LRRC36: variants seen among roughly 807,000 people sequenced by gnomAD.
The protein encoded by LRRC36 is leucine rich repeat containing 36.
A neutral mutation model predicts 81.1 loss-of-function variants in LRRC36; 62 were observed. The observed-to-expected ratio is 0.76, with a 90% CI of 0.62 to 0.94. The LOEUF (loss-of-function observed/expected upper bound fraction) is 0.94. Ranked by LOEUF, LRRC36 falls within the 40% of genes least tolerant of loss-of-function variation. LRRC36 has a pLI of 0.00. For synonymous variants in LRRC36, 334 were observed against 348.6 expected, an observed-to-expected ratio of 0.96 and a Z score of 0.47; for missense variants, 761 against 881.7, an observed-to-expected ratio of 0.86 and a Z score of 1.73.
Position 67,341,095 on chromosome 16 carries a change from T to C in LRRC36, c.71-862T>C, listed in dbSNP as rs530740423. Among the ~76,000 whole-genome samples, 221 of 106,998 alleles carry C rather than the reference T, an allele frequency of 2.1e-3. 11 individuals are homozygous for C. Among genetic ancestry groups the C allele is most frequent in the African/African-American group, 9.1e-3 (197 of 21,582 alleles). 70.2% of individuals were successfully genotyped at this position (106,998 alleles called of 152,430 possible). A position where few individuals can be genotyped will look rare whatever the true frequency, so the allele number is the denominator to read the frequency against. ...TATGTACTCTACATATTCTATAGAA[T>C]ATGTACTCTACATATTCTATAGAAT... is the stretch of plus-strand genomic sequence containing the variant. On this transcript the variant is annotated intron_variant, in intron 1 of 13. Coordinates refer to ENST00000329956, the MANE Select transcript of LRRC36 (RefSeq NM_018296.6).
chr16:67,364,845 A>AT (rs2039310907), intron 6 of LRRC36, among the ~76,000 whole-genome samples: 2 of 152,094 alleles, frequency 1.3e-5, no homozygotes, highest in Non-Finnish European at 1.5e-5. Flanking sequence ...CTTTAAGATA[A>AT]TTTTTTTAAA....
intron 12 of LRRC36, among the ~76,000 whole-genome samples, chr16:67,381,018 G>A (rs1248468195): frequency 6.6e-6 from 1 of 152,156 alleles, no homozygotes; most frequent in African/African-American, 2.4e-5. Context: ...GAGGTCAGGA[G>A]TTTGAGACCA....
chr16:67,364,632 A>T (rs992495614), intron 6 of LRRC36, among the ~76,000 whole-genome samples: 1 of 152,196 alleles, frequency 6.6e-6, no homozygotes, highest in Non-Finnish European at 1.5e-5. Context: ...AACCATATTG[A>T]CTTAAGGAAA....
At chr16:67,361,216 A>G (rs2039129841) in intron 5 of LRRC36, among the ~76,000 whole-genome samples, 1 of 152,048 alleles carries the variant, frequency 6.6e-6, no homozygotes, top group African/African-American at 2.4e-5. Context: ...TTTTCAATAG[A>G]GATGGGGGTC....
chr16:67,329,635 T>A (rs1234261898), intron 1 of LRRC36, among the ~76,000 whole-genome samples: 5 of 152,114 alleles, frequency 3.3e-5, no homozygotes, highest in Non-Finnish European at 7.4e-5. Context: ...TTAGAATCCA[T>A]GGCCGGGTGC....
At position 67,338,865 on chromosome 16, in the gene LRRC36, ATTTTTTTTTTTTTTTTTTTTTTTTTTT is replaced by A. The variant is rs71145967; in HGVS notation, c.71-3072_71-3046del. On this transcript the variant is annotated intron_variant, in intron 1 of 13. Transcript: ENST00000329956. ...TTTCTAATTTCTGCTTGGAAGCTGA[ATTTTTTTTTTTTTTTTTTTTTTTTTTT>A]TTTTTTTTTTTTTTTTTTTAGGGAC... is the stretch of plus-strand genomic sequence containing the variant. Among the ~76,000 whole-genome samples, 36 of 45,404 alleles carry A rather than the reference ATTTTTTTTTTTTTTTTTTTTTTTTTTT, an allele frequency of 7.9e-4. 1 individual carries two copies. The South Asian group carries it at 8.2e-3, about 10-fold the overall frequency. 29.8% of individuals were successfully genotyped at this position (45,404 alleles called of 152,430 possible). A position where few individuals can be genotyped will look rare whatever the true frequency, so the allele number is the denominator to read the frequency against.
At chr16:67,374,491 T>C (rs2039798774) in intron 9 of LRRC36, among the ~76,000 whole-genome samples, 1 of 151,734 alleles carries the variant, frequency 6.6e-6, no homozygotes, top group African/African-American at 2.4e-5. Context: ...GCCTCCCGAG[T>C]TTAAGCAATT....
intron 1 of LRRC36, among the ~76,000 whole-genome samples, chr16:67,340,613 AC>A (rs1214355473): frequency 6.6e-6 from 1 of 151,974 alleles, no homozygotes; most frequent in Non-Finnish European, 1.5e-5. Flanking sequence ...CTGAGATCAC[AC>A]CACTGCACTC....
intron 12 of LRRC36, among the ~76,000 whole-genome samples, chr16:67,379,647 G>A (rs2040039169): frequency 6.6e-6 from 1 of 152,170 alleles, no homozygotes; most frequent in Non-Finnish European, 1.5e-5. Context: ...AACCCAGGAG[G>A]CAGAGGTTGC....
intron 5 of LRRC36, among the ~76,000 whole-genome samples, chr16:67,363,271 T>C (rs897777253): frequency 6.6e-6 from 1 of 152,202 alleles, no homozygotes; most frequent in African/African-American, 2.4e-5. Flanking sequence ...GCTTAGGAAA[T>C]GTGCAAAATA....
chr16:67,371,084 C>A lies in LRRC36; in HGVS notation c.1336C>A (p.Pro446Thr), dbSNP rs1300623372. The A allele has an allele frequency of 1.2e-6, 2 of 1,614,066 alleles. No individual in the cohort carries two copies. Among genetic ancestry groups the A allele is most frequent in the African/African-American group, 2.7e-5 (2 of 74,928 alleles). Residue 446 changes from proline to threonine, a missense_variant, in exon 9 of 14, where the codon CCT becomes ACT. Physicochemically the swap from Pro to Thr is conservative, Grantham distance 38. Transcript: ENST00000329956. Reference protein sequence around the residue: ...NNAVLGNRTTPLRTLLLSPGT... With the variant: ...NNAVLGNRTTTLRTLLLSPGT... ...CGCTGTCCTGGGAAACAGGACAACT[C>A]CTCTGCGGACACTGCTGTTGTCTCC...
intron 1 of LRRC36, among the ~76,000 whole-genome samples, chr16:67,339,955 T>C (rs181006681): frequency 6.6e-6 from 1 of 151,676 alleles, no homozygotes; most frequent in Admixed American, 6.6e-5. Context: ...CCAGCCTGGG[T>C]AACATGGTGA....
At chr16:67,341,919 C>T in intron 1 of LRRC36, 38 bp from the exon 2 acceptor site, 2 of 1,571,122 alleles carry the variant, frequency 1.3e-6, no homozygotes, top group Non-Finnish European at 1.7e-6. Context: ...TTGATCCGAG[C>T]AGGGATCATA....
intron 11 of LRRC36, among the ~76,000 whole-genome samples, chr16:67,377,331 C>G (rs2039940237): frequency 6.6e-6 from 1 of 152,004 alleles, no homozygotes; most frequent in Non-Finnish European, 1.5e-5. Context: ...TTTCTCTTTT[C>G]TTTTCTTTTC....
chr16:67,328,469 C>T (rs1302268026), intron 1 of LRRC36, among the ~76,000 whole-genome samples: 2 of 151,922 alleles, frequency 1.3e-5, no homozygotes, highest in Non-Finnish European at 2.9e-5. Flanking sequence ...GCCGAGATCG[C>T]GCCACTGCAC....
intron 5 of LRRC36, among the ~76,000 whole-genome samples, chr16:67,351,856 G>A (rs1364952241): frequency 6.6e-6 from 1 of 152,060 alleles, no homozygotes; most frequent in African/African-American, 2.4e-5. Context: ...CAATTTTATT[G>A]TAATAATTTT....
Position 67,364,202 on chromosome 16 carries a change from A to G in LRRC36, c.702+488A>G, listed in dbSNP as rs566130406. On this transcript the variant is annotated intron_variant, in intron 6 of 13. Transcript: ENST00000329956. Reference sequence around the variant, plus strand: ...AAAGATGGCATGGAAGTTGTGGGCAATGGGAAGATAGAGATCATGCAAGAT... The same window carrying G: ...AAAGATGGCATGGAAGTTGTGGGCAGTGGGAAGATAGAGATCATGCAAGAT... 2.0e-5 allele frequency among the ~76,000 whole-genome samples: 3 copies of G among 152,364 alleles called. No homozygotes were observed. The South Asian group carries it at 6.2e-4, about 32-fold the overall frequency.
chr16:67,351,922 A>G (rs556144501), intron 5 of LRRC36, among the ~76,000 whole-genome samples: 1 of 152,352 alleles, frequency 6.6e-6, no homozygotes, highest in South Asian at 2.1e-4. Flanking sequence ...ATGCTTTGGT[A>G]TACAGCCTTC....
chr16:67,342,671 C>T (rs2038149039), intron 2 of LRRC36, among the ~76,000 whole-genome samples: 1 of 152,188 alleles, frequency 6.6e-6, no homozygotes. Context: ...ACTCTACAAA[C>T]ATGAGTGTGC....
Sources: allele counts gnomAD v4.1 joint callset (sites outside exome capture counted in the v4.1 genomes callset), GRCh38; gene constraint gnomAD v4.1.1; transcripts MANE v1.5; gene names NCBI Gene and HGNC (gene_info 2026-07-23, HGNC 2026-07-21).